B3GALT9: variants seen among roughly 807,000 people sequenced by gnomAD.
B3GALT9 encodes the protein beta-1,3-galactosyltransferase 9, also known as UDP-GlcNAc:betaGal beta-1,3-N-acetylglucosaminyltransferase 10 (putative).
rs901962306 is a variant in B3GALT9 at position 120,800,378 on chromosome 9, C to A, written c.*700C>A. On this transcript the variant is annotated 3_prime_UTR_variant, in exon 3 of 3. Coordinates refer to ENST00000689072, the MANE Select transcript of B3GALT9 (RefSeq NM_001386823.1). The stretch of plus-strand genomic sequence containing the variant: ...AAGTGATCCACCCGCCTGGGCCTCC[C>A]AAAGTGCTGGGATTACAGGTGTGAG... 1.3e-3 allele frequency among the ~76,000 whole-genome samples: 198 copies of A among 152,106 alleles called. 2 individuals are homozygous for A. Among genetic ancestry groups the A allele is most frequent in the Non-Finnish European group, 1.2e-4 (8 of 68,020 alleles).
intron 1 of B3GALT9, among the ~76,000 whole-genome samples, chr9:120,795,308 A>T (rs1485599343): frequency 6.6e-6 from 1 of 151,204 alleles, no homozygotes; most frequent in Non-Finnish European, 1.5e-5. Context: ...ACCCCAGTAC[A>T]GTTTGATGAA....
intron 2 of B3GALT9, among the ~76,000 whole-genome samples, chr9:120,796,954 G>A (rs895995356): frequency 6.6e-6 from 1 of 152,024 alleles, no homozygotes; most frequent in Non-Finnish European, 1.5e-5. Context: ...CTACTTGGGA[G>A]GCTGAGGCAG....
rs2044910230 is a variant in B3GALT9 at position 120,793,838 on chromosome 9, G to A, written c.-266G>A. Reference sequence around the variant, plus strand: ...GGGTTAGTGAACAAAAAACGCAAAAGCCCCTGACCGCCTGGGCCTTACATC... The same window carrying A: ...GGGTTAGTGAACAAAAAACGCAAAAACCCCTGACCGCCTGGGCCTTACATC... On this transcript the variant is annotated 5_prime_UTR_variant, in exon 1 of 3. Coordinates refer to ENST00000689072, the MANE Select transcript of B3GALT9 (RefSeq NM_001386823.1). 2 of 391,594 alleles carry A rather than the reference G, an allele frequency of 5.1e-6. No individual in the cohort carries two copies. Among genetic ancestry groups the A allele is most frequent in the African/African-American group, 2.1e-5 (1 of 48,580 alleles). The allele number at this position is 391,594 out of a possible 1,614,324, so 24.3% of individuals were successfully genotyped here. A position where few individuals can be genotyped will look rare whatever the true frequency, so the allele number is the denominator to read the frequency against.
Position 120,793,540 on chromosome 9 carries a change from C to T in B3GALT9, c.-564C>T. On this transcript the variant is annotated 5_prime_UTR_variant, in exon 1 of 3. Transcript: ENST00000689072. ...GGAGTAGGGGTGGGGAGAAGAGCGT[C>T]CCGGGAAGCTGAACGCGTGCCGCGC... 2.5e-6 allele frequency: 1 copy of T among 400,126 alleles called. No individual in the cohort carries two copies. The highest frequency in any genetic ancestry group is 4.4e-5 in the Admixed American group (1 of 22,744). The allele number at this position is 400,126 out of a possible 1,614,324, so 24.8% of individuals were successfully genotyped here.
At chr9:120,796,813 TTG>T (rs1441370881) in intron 2 of B3GALT9, among the ~76,000 whole-genome samples, 2 of 152,100 alleles carry the variant, frequency 1.3e-5, no homozygotes, top group Non-Finnish European at 2.9e-5. Context: ...TCTCAGCACT[TTG>T]GGAGGCCGAG....
intron 2 of B3GALT9, among the ~76,000 whole-genome samples, chr9:120,797,843 C>T (rs2044949206): frequency 6.6e-6 from 1 of 152,208 alleles, no homozygotes; most frequent in Non-Finnish European, 1.5e-5. Context: ...CAATTCTGCA[C>T]ATGCCCTTTC....
Position 120,799,259 on chromosome 9 carries a change from A to C in B3GALT9, c.691A>C (p.Ser231Arg). Residue 231 changes from serine to arginine, a missense_variant, in exon 3 of 3, where the codon AGT (serine) becomes CGT (arginine). Ser to Arg is a moderately radical substitution (Grantham distance 110). Transcript: ENST00000689072. ...DPQNRDFVPL[S>R]EYPEKYYPDY... ...TCAGAACAGAGACTTTGTCCCTCTT[A>C]GTGAGTACCCAGAAAAATACTACCC... The C allele has an allele frequency of 2.5e-6, 1 of 399,362 alleles. No individual in the cohort carries two copies. Among genetic ancestry groups the C allele is most frequent in the Non-Finnish European group, 4.4e-6 (1 of 226,144 alleles). The allele number at this position is 399,362 out of a possible 1,614,324, so 24.7% of individuals were successfully genotyped here. A position where few individuals can be genotyped will look rare whatever the true frequency, so the allele number is the denominator to read the frequency against.
At chr9:120,795,042 T>C (rs1452049695) in intron 1 of B3GALT9, among the ~76,000 whole-genome samples, 2 of 152,080 alleles carry the variant, frequency 1.3e-5, no homozygotes, top group Non-Finnish European at 2.9e-5. Flanking sequence ...ACTTGAAACA[T>C]GGGAAATAAA....
In B3GALT9 at chr9:120,794,248, T is replaced by G. The variant is rs553281920; in HGVS notation, c.-182+326T>G. 2.2e-4 allele frequency among the ~76,000 whole-genome samples: 33 copies of G among 152,272 alleles called. No homozygotes were observed. The South Asian group carries it at 6.8e-3, about 32-fold the overall frequency. ...GGCCCCTTTTTAGAGATGGGGAAAC[T>G]GAAATCAAAAGAGGTTTAGGCATCT... On this transcript the variant is annotated intron_variant, in intron 1 of 2. Transcript: ENST00000689072.
rs1206986498 is a variant in B3GALT9, at chr9:120,801,364, C to CT, written c.*1686_*1687insT. 2.0e-5 allele frequency among the ~76,000 whole-genome samples: 3 copies of CT among 152,082 alleles called. No individual in the cohort carries two copies. The highest frequency in any genetic ancestry group is 7.2e-5 in the African/African-American group (3 of 41,396). ...TTCCCTGATGATTAGTGGTATTGAG[C>CT]ATTTTTTTTTCATATACCTGTTGGC... On this transcript the variant is annotated 3_prime_UTR_variant, in exon 3 of 3. Transcript: ENST00000689072.
intron 1 of B3GALT9, among the ~76,000 whole-genome samples, chr9:120,794,578 A>G (rs1158115270): frequency 6.6e-6 from 1 of 150,858 alleles, no homozygotes; most frequent in African/African-American, 2.5e-5. Flanking sequence ...TCGCTATGTT[A>G]CCCAGGCTGG....
rs115662595 is a variant in B3GALT9, at chr9:120,793,950, C to T, written c.-182+28C>T. The T allele has an allele frequency of 6.4e-3, 1,832 of 286,542 alleles. 23 individuals are homozygous for T. Among genetic ancestry groups the T allele is most frequent in the African/African-American group, 0.037 (1,683 of 45,978 alleles). The allele number at this position is 286,542 out of a possible 1,614,324, so 17.7% of individuals were successfully genotyped here. ...AAGGAGGTTGTTGAATGAAAAGAGA[C>T]AGTCAAGTGATGTAGATTTGAATGA... On this transcript the variant is annotated intron_variant, in intron 1 of 2. Transcript: ENST00000689072.
chr9:120,793,889 C>G lies in B3GALT9; in HGVS notation c.-215C>G. ...TATTAGGAGGAGGAAGACAGATAAA[C>G]TAAGGCTCGTGCAAAGGAGAAAAAT... On this transcript the variant is annotated 5_prime_UTR_variant, in exon 1 of 3. Transcript: ENST00000689072. 1 of 376,334 alleles carries G rather than the reference C, an allele frequency of 2.7e-6. No homozygotes were observed. The allele number at this position is 376,334 out of a possible 1,614,324, so 23.3% of individuals were successfully genotyped here.
intron 2 of B3GALT9, among the ~76,000 whole-genome samples, chr9:120,798,154 C>T (rs917431776): frequency 6.6e-6 from 1 of 152,198 alleles, no homozygotes; most frequent in African/African-American, 2.4e-5. Flanking sequence ...TCCAGGTGTT[C>T]CCATTCAAGA....
At chr9:120,798,431 G>A (rs1258923752) in intron 2 of B3GALT9, 144 bp from the exon 3 acceptor site, 4 of 395,580 alleles carry the variant, frequency 1.0e-5, no homozygotes, top group African/African-American at 4.1e-5. Context: ...ATAATCTAGT[G>A]GAAGAAATAG....
Position 120,799,756 on chromosome 9 carries a change from C to A in B3GALT9, c.*78C>A. 2.5e-6 allele frequency: 1 copy of A among 397,426 alleles called. No homozygotes were observed. The highest frequency in any genetic ancestry group is 4.4e-6 in the Non-Finnish European group (1 of 225,938). The allele number at this position is 397,426 out of a possible 1,614,324, so 24.6% of individuals were successfully genotyped here. ...TGTTATGGAAAGCATCCCTTCTTTC[C>A]CATGTTTTATGTAGGTTCTCTGAAT... On this transcript the variant is annotated 3_prime_UTR_variant, in exon 3 of 3. Transcript: ENST00000689072.
At chr9:120,794,621 C>T (rs572424670) in intron 1 of B3GALT9, among the ~76,000 whole-genome samples, 1 of 152,024 alleles carries the variant, frequency 6.6e-6, no homozygotes, top group South Asian at 2.1e-4. Flanking sequence ...GATCCACCTG[C>T]CTGGGCCTCC....
rs989252080 is a variant in B3GALT9 at position 120,800,339 on chromosome 9, G to A, written c.*661G>A. On this transcript the variant is annotated 3_prime_UTR_variant, in exon 3 of 3. Transcript: ENST00000689072. Reference sequence around the variant, plus strand: ...TCACCATGTTGGCCAGGCTGGTCTCGAACTCCTGGCCTCAAGTGATCCACC... The same window carrying A: ...TCACCATGTTGGCCAGGCTGGTCTCAAACTCCTGGCCTCAAGTGATCCACC... Among the ~76,000 whole-genome samples, 3 of 151,260 alleles carry A rather than the reference G, an allele frequency of 2.0e-5. No individual in the cohort carries two copies. The highest frequency in any genetic ancestry group is 6.6e-5 in the Admixed American group (1 of 15,184).
rs1215360324 is a variant in B3GALT9, at chr9:120,800,000, A to C, written c.*322A>C. 1 of 161,342 alleles carries C rather than the reference A, an allele frequency of 6.2e-6. No homozygotes were observed. The highest frequency in any genetic ancestry group is 2.4e-5 in the African/African-American group (1 of 40,910). The allele number at this position is 161,342 out of a possible 1,614,324, so 10.0% of individuals were successfully genotyped here. On this transcript the variant is annotated 3_prime_UTR_variant, in exon 3 of 3. Coordinates refer to ENST00000689072, the MANE Select transcript of B3GALT9 (RefSeq NM_001386823.1). ...GGTCTGGCTCTGTCACCCAGGCTGGAGTGCAGTGGCGCAATCTCGACTCAC... is the reference window on the plus strand; with the variant it reads ...GGTCTGGCTCTGTCACCCAGGCTGGCGTGCAGTGGCGCAATCTCGACTCAC...
Sources: allele counts gnomAD v4.1 joint callset (sites outside exome capture counted in the v4.1 genomes callset), GRCh38; gene constraint gnomAD v4.1.1; transcripts MANE v1.5; gene names NCBI Gene and HGNC (gene_info 2026-07-23, HGNC 2026-07-21).